TYRP1: variants seen among roughly 807,000 people sequenced by gnomAD.
The protein encoded by TYRP1 is 5,6-dihydroxyindole-2-carboxylic acid oxidase.
Under a neutral mutation model 42.8 loss-of-function variants are expected in TYRP1, and 49 were observed. That is an observed-to-expected ratio of 1.14 (90% CI 0.91 to 1.45). The LOEUF is 1.45. Ranked by LOEUF, TYRP1 falls within the 40% of genes most tolerant of loss-of-function variation. The pLI, the probability that TYRP1 is intolerant of heterozygous loss-of-function variation, is 0.00. For missense variants in TYRP1, 848 were observed against 662.0 expected (o/e 1.28, Z -3.08); for synonymous variants, 279 against 235.4 (o/e 1.19, Z -1.69).
chr9:12,697,578 G>T (rs141337548), intron 3 of TYRP1, among the ~76,000 whole-genome samples: 2 of 152,222 alleles, frequency 1.3e-5, no homozygotes, highest in African/African-American at 4.8e-5. Context: ...CTGAGTGCTT[G>T]AGAGATAAGA....
chr9:12,704,473 A>G lies in TYRP1; in HGVS notation c.1082-53A>G. Reference sequence around the variant, plus strand: ...AATATAATCATTGCTATTACCTGGAAAAGTGAAATATTTGCAATAGTTTTA... The same window carrying G: ...AATATAATCATTGCTATTACCTGGAGAAGTGAAATATTTGCAATAGTTTTA... On this transcript the variant is annotated intron_variant, in intron 5 of 7. Transcript: ENST00000388918. The G allele has an allele frequency of 1.9e-6, 3 of 1,584,376 alleles. No homozygotes were observed. In the South Asian group the frequency reaches 3.3e-5, roughly 18 times the overall value.
At position 12,695,519 on chromosome 9, in the gene TYRP1, G is replaced by A; in HGVS notation, c.390G>A (p.Arg130=). 3 of 1,614,040 alleles carry A rather than the reference G, an allele frequency of 1.9e-6. No individual in the cohort carries two copies. Among genetic ancestry groups the A allele is most frequent in the South Asian group, 1.1e-5 (1 of 91,062 alleles). ...AACDQRVLIV[R]RNLLDLSKEE... ...TTGAATTTTGTATCCCTAAAGTCAGGAGAAATCTTCTGGACTTAAGTAAAG... is the reference window on the plus strand; with the variant it reads ...TTGAATTTTGTATCCCTAAAGTCAGAAGAAATCTTCTGGACTTAAGTAAAG... Residue 130 remains arginine, a synonymous_variant, in exon 3 of 8, where the codon AGG becomes AGA. Transcript: ENST00000388918.
At chr9:12,695,899 A>G in intron 3 of TYRP1, 62 bp downstream of exon 3, 1 of 1,539,042 alleles carries the variant, frequency 6.5e-7, no homozygotes, top group Non-Finnish European at 8.9e-7. Context: ...TTTGTAAGTG[A>G]TTTTAATTCA....
At chr9:12,697,288 T>G (rs965026863) in intron 3 of TYRP1, among the ~76,000 whole-genome samples, 8 of 152,160 alleles carry the variant, frequency 5.3e-5, no homozygotes, top group African/African-American at 1.9e-4. Context: ...GCACAAGGGA[T>G]GCAACAAATT....
intron 4 of TYRP1, chr9:12,699,968 A>T (rs1219955204): frequency 6.6e-6 from 1 of 152,108 alleles, no homozygotes; most frequent in Non-Finnish European, 1.5e-5. Flanking sequence ...TTAATATAAC[A>T]AGTCTCCTAA....
At chr9:12,704,826 C>A in intron 6 of TYRP1, 121 bp downstream of exon 6, 1 of 972,972 alleles carries the variant, frequency 1.0e-6, no homozygotes, top group East Asian at 2.4e-5. Context: ...GATAGCATAG[C>A]TGTAATATCA....
In TYRP1 at chr9:12,702,274, C is replaced by G. The variant is rs773285733; in HGVS notation, c.917C>G (p.Thr306Ser). Reference protein sequence around the residue: ...YDTLGTLCNSTEDGPIRRNPA... With the variant: ...YDTLGTLCNSSEDGPIRRNPA... ...CACATCCCATTTTTTTCTGCAGGCA[C>G]CGAGGATGGGCCAATTAGGAGAAAT... is the stretch of plus-strand genomic sequence containing the variant. The change falls in exon 5 of 8, where the codon ACC becomes AGC. Residue 306 changes from threonine to serine, a missense_variant. Physicochemically the swap from Thr to Ser is moderately conservative, Grantham distance 58. Coordinates refer to ENST00000388918, the MANE Select transcript of TYRP1 (RefSeq NM_000550.3). 3.7e-6 allele frequency: 6 copies of G among 1,612,890 alleles called. No individual in the cohort carries two copies. Among genetic ancestry groups the G allele is most frequent in the Non-Finnish European group, 5.1e-6 (6 of 1,179,296 alleles).
At chr9:12,706,545 T>C (rs1354246732) in intron 6 of TYRP1, among the ~76,000 whole-genome samples, 1 of 151,958 alleles carries the variant, frequency 6.6e-6, no homozygotes, top group African/African-American at 2.4e-5. Context: ...TGAATTGTAG[T>C]GGGAAGAGAA....
chr9:12,702,217 A>G (rs757626252), intron 4 of TYRP1, 54 bp from the exon 5 acceptor site: 120 of 1,590,890 alleles, frequency 7.5e-5, no homozygotes, highest in Middle Eastern at 5.0e-4. Flanking sequence ...AAAGAGCGAC[A>G]ATAAGAACTC....
rs2118279089 is a variant in TYRP1, at chr9:12,709,278, C to CTTCT, written c.*101_*104dup. 1.6e-6 allele frequency: 2 copies of CTTCT among 1,232,128 alleles called. No individual in the cohort carries two copies. The highest frequency in any genetic ancestry group is 2.4e-5 in the South Asian group (2 of 81,686). 76.3% of individuals were successfully genotyped at this position (1,232,128 alleles called of 1,614,324 possible). ...ACTGTATTTTCTTTCACTTTATTAC[C>CTTCT]TTCTTTCTAATACAAGCATATGTTA... On this transcript the variant is annotated 3_prime_UTR_variant, in exon 8 of 8. Coordinates refer to ENST00000388918, the MANE Select transcript of TYRP1 (RefSeq NM_000550.3).
chr9:12,708,355 C>T (rs577721490), intron 7 of TYRP1, among the ~76,000 whole-genome samples: 2 of 151,956 alleles, frequency 1.3e-5, no homozygotes, highest in Non-Finnish European at 2.9e-5. Context: ...AGCACCCTAT[C>T]TCATTTAATC....
intron 5 of TYRP1, among the ~76,000 whole-genome samples, chr9:12,702,773 C>T (rs1303820845): frequency 6.6e-6 from 1 of 151,860 alleles, no homozygotes; most frequent in African/African-American, 2.4e-5. Context: ...ATATTCAAGA[C>T]TTTGACAGTG....
chr9:12,694,167 C>A lies in TYRP1; in HGVS notation c.171C>A (p.Gly57=), dbSNP rs1818039084. ...CTGGGCCTGGGACAGACCGCTGTGG[C>A]TCATCATCAGGGAGGGGCAGATGTG... The part of the protein sequence containing the change: ...PVSGPGTDRC[G]SSSGRGRCEA... Residue 57 remains glycine (G), a synonymous_variant, in exon 2 of 8, where the codon GGC becomes GGA. Coordinates refer to ENST00000388918, the MANE Select transcript of TYRP1 (RefSeq NM_000550.3). The A allele has an allele frequency of 1.2e-6, 2 of 1,613,904 alleles. No individual in the cohort carries two copies. The highest frequency in any genetic ancestry group is 2.2e-5 in the East Asian group (1 of 44,838).
At chr9:12,702,511 C>A (rs41302216) in intron 5 of TYRP1, 73 bp downstream of exon 5, 1 of 1,461,960 alleles carries the variant, frequency 6.8e-7, no homozygotes, top group South Asian at 1.2e-5. Flanking sequence ...AAGCAAGTTT[C>A]TTTGAGAAGG....
At chr9:12,700,320 AC>A (rs1407077043) in intron 4 of TYRP1, 14 of 151,996 alleles carry the variant, frequency 9.2e-5, no homozygotes, top group African/African-American at 3.4e-4. Flanking sequence ...AATATTCCAT[AC>A]CCATGTCTTC....
At chr9:12,704,477 T>G (rs1198843240) in intron 5 of TYRP1, 49 bp from the exon 6 acceptor site, 3 of 1,587,600 alleles carry the variant, frequency 1.9e-6, no homozygotes, top group Non-Finnish European at 2.6e-6. Context: ...CCTGGAAAAG[T>G]GAAATATTTG....
rs1485298937 is a variant in TYRP1, at chr9:12,709,285, C to G, written c.*103C>G. 5 of 1,162,898 alleles carry G rather than the reference C, an allele frequency of 4.3e-6. No individual in the cohort carries two copies. The East Asian group carries it at 1.2e-4, about 28-fold the overall frequency. The allele number at this position is 1,162,898 out of a possible 1,614,324, so 72.0% of individuals were successfully genotyped here. Reference sequence around the variant, plus strand: ...TTTCTTTCACTTTATTACCTTCTTTCTAATACAAGCATATGTTAGCATTAA... The same window carrying G: ...TTTCTTTCACTTTATTACCTTCTTTGTAATACAAGCATATGTTAGCATTAA... On this transcript the variant is annotated 3_prime_UTR_variant, in exon 8 of 8. Coordinates refer to ENST00000388918, the MANE Select transcript of TYRP1 (RefSeq NM_000550.3).
At chr9:12,706,310 CTCT>C (rs1818257330) in intron 6 of TYRP1, among the ~76,000 whole-genome samples, 1 of 151,920 alleles carries the variant, frequency 6.6e-6, no homozygotes, top group Admixed American at 6.6e-5. Context: ...CCTGGCAAGT[CTCT>C]TAAGTGGAGT....
Position 12,709,691 on chromosome 9 carries a change from C to A in TYRP1, c.*509C>A, listed in dbSNP as rs74941076. ...TATAAACCAATGAAATTTTGATTAA[C>A]CTTTTCAAATTAATGTTCCAGTTTG... On this transcript the variant is annotated 3_prime_UTR_variant, in exon 8 of 8. Transcript: ENST00000388918. 531 of 161,258 alleles carry A rather than the reference C, an allele frequency of 3.3e-3. 6 individuals carry two copies. The East Asian group carries it at 0.036, about 11-fold the overall frequency. The allele number at this position is 161,258 out of a possible 1,614,324, so 10.0% of individuals were successfully genotyped here. A position where few individuals can be genotyped will look rare whatever the true frequency, so the allele number is the denominator to read the frequency against.
Sources: gnomAD v4.1 joint callset for allele counts (sites outside exome capture counted in the v4.1 genomes callset) on GRCh38, gnomAD v4.1.1 for gene constraint, MANE v1.5 for transcripts, NCBI Gene and HGNC (gene_info 2026-07-23, HGNC 2026-07-21) for gene names.